PLCB1: variants seen among roughly 807,000 people sequenced by gnomAD.
The protein encoded by PLCB1 is 1-phosphatidylinositol 4,5-bisphosphate phosphodiesterase beta-1.
PLCB1 carries 46 observed loss-of-function variants against 161.8 expected under a neutral mutation model. That is an observed-to-expected ratio of 0.28 (90% CI 0.22 to 0.36). The LOEUF (loss-of-function observed/expected upper bound fraction) is 0.36, where lower values mean the gene tolerates loss of function less well. PLCB1 is among the 10% of genes least tolerant of loss of function. PLCB1 has a pLI of 1.00. For missense variants in PLCB1, 1,016 were observed against 1,472.5 expected (o/e 0.69, Z 5.07); for synonymous variants, 517 against 503.7 (o/e 1.03, Z -0.35).
intron 9 of PLCB1, among the ~76,000 whole-genome samples, chr20:8,662,146 A>ATTCT (rs374223118): frequency 3.4e-5 from 1 of 29,324 alleles, no homozygotes; most frequent in Non-Finnish European, 6.7e-5. Context: ...TTCTATATTA[A>ATTCT]ATATAATTAT....
At chr20:8,356,163 A>G (rs1986355662) in intron 2 of PLCB1, among the ~76,000 whole-genome samples, 1 of 152,202 alleles carries the variant, frequency 6.6e-6, no homozygotes, top group East Asian at 1.9e-4. Flanking sequence ...AAATAGGATA[A>G]CATGCTTCTT....
At chr20:8,852,736 A>G (rs1475826528) in intron 31 of PLCB1, among the ~76,000 whole-genome samples, 1 of 151,970 alleles carries the variant, frequency 6.6e-6, no homozygotes, top group Admixed American at 6.5e-5. Flanking sequence ...AATTTTCTCA[A>G]CTCTTTCCCG....
intron 3 of PLCB1, among the ~76,000 whole-genome samples, chr20:8,545,129 A>G (rs1985487743): frequency 6.6e-6 from 1 of 152,234 alleles, no homozygotes; most frequent in African/African-American, 2.4e-5. Flanking sequence ...ATGGAGTTAG[A>G]TAGGGGGAAA....
intron 3 of PLCB1, among the ~76,000 whole-genome samples, chr20:8,489,124 G>A (rs561216647): frequency 6.6e-6 from 1 of 152,086 alleles, no homozygotes; most frequent in African/African-American, 2.4e-5. Flanking sequence ...CTAGGAGCTG[G>A]GAACCCAGAG....
chr20:8,483,263 G>T (rs1982583233), intron 3 of PLCB1, among the ~76,000 whole-genome samples: 1 of 152,176 alleles, frequency 6.6e-6, no homozygotes, highest in African/African-American at 2.4e-5. Flanking sequence ...CTCTAGAGAA[G>T]ACCCTTCCTA....
At chr20:8,848,000 G>A (rs990115037) in intron 31 of PLCB1, among the ~76,000 whole-genome samples, 3 of 152,176 alleles carry the variant, frequency 2.0e-5, no homozygotes, top group African/African-American at 7.2e-5. Context: ...CAGAGGGGAG[G>A]AACGCCATGT....
chr20:8,442,986 G>GTTTTTTTTTTTTTTTTTTGT (rs962104017), intron 3 of PLCB1, among the ~76,000 whole-genome samples: 1 of 137,936 alleles, frequency 7.2e-6, no homozygotes, highest in Non-Finnish European at 1.6e-5. Context: ...TTTTTTTTTT[G>GTTTTTTTTTTTTTTTTTTGT]TTTTTTTTTT....
At chr20:8,354,154 T>G (rs1986284631) in intron 2 of PLCB1, among the ~76,000 whole-genome samples, 1 of 152,074 alleles carries the variant, frequency 6.6e-6, no homozygotes, top group Non-Finnish European at 1.5e-5. Context: ...TTCCTGAGAT[T>G]TATGGTGGTG....
At chr20:8,386,507 G>A (rs540006289) in intron 3 of PLCB1, among the ~76,000 whole-genome samples, 1 of 152,286 alleles carries the variant, frequency 6.6e-6, no homozygotes, top group Non-Finnish European at 1.5e-5. Flanking sequence ...CAGATATGCT[G>A]TTATCAGATT....
At chr20:8,702,985 A>T (rs1420716070) in intron 11 of PLCB1, among the ~76,000 whole-genome samples, 2 of 152,146 alleles carry the variant, frequency 1.3e-5, no homozygotes, top group African/African-American at 4.8e-5. Context: ...AGCTAAAGTT[A>T]TGGTAGAGAT....
intron 2 of PLCB1, among the ~76,000 whole-genome samples, chr20:8,301,138 T>C (rs2123320044): frequency 6.6e-6 from 1 of 152,226 alleles, no homozygotes; most frequent in South Asian, 2.1e-4. Flanking sequence ...CTGGAGAAAC[T>C]CTACTGTATC....
intron 3 of PLCB1, among the ~76,000 whole-genome samples, chr20:8,626,177 C>CAAAAAAAAAAAAAAAAAAAAAA (rs71184104): frequency 8.5e-6 from 1 of 117,488 alleles, no homozygotes; most frequent in Non-Finnish European, 1.8e-5. Flanking sequence ...GACTCCATCT[C>CAAAAAAAAAAAAAAAAAAAAAA]AAAAAAAAAA....
intron 3 of PLCB1, among the ~76,000 whole-genome samples, chr20:8,574,981 T>C (rs759332643): frequency 4.6e-5 from 7 of 152,124 alleles, no homozygotes; most frequent in African/African-American, 9.7e-5. Flanking sequence ...GAAGGGACAA[T>C]AGTCGTTAAA....
In PLCB1 at chr20:8,638,774, A is replaced by G. The variant is rs185289488; in HGVS notation, c.385-7328A>G. ...CACTGGTCTAACATGAATTATCCCA[A>G]TTCTCTCAAAAGCCCTATGAAATAA... On this transcript the variant is annotated intron_variant, in intron 4 of 31. Coordinates refer to ENST00000338037, the MANE Select transcript of PLCB1 (RefSeq NM_015192.4). Among the ~76,000 whole-genome samples, 5 of 152,252 alleles carry G rather than the reference A, an allele frequency of 3.3e-5. No individual in the cohort carries two copies. In the East Asian group the frequency reaches 9.7e-4, roughly 29 times the overall value.
intron 2 of PLCB1, among the ~76,000 whole-genome samples, chr20:8,283,398 C>T (rs1419316744): frequency 1.4e-4 from 21 of 151,692 alleles, no homozygotes; most frequent in Admixed American, 1.4e-3. Context: ...TGGCATAGTT[C>T]ATTTCATTAC....
intron 2 of PLCB1, among the ~76,000 whole-genome samples, chr20:8,266,922 CCA>C (rs1981985571): frequency 6.6e-6 from 1 of 151,986 alleles, no homozygotes; most frequent in African/African-American, 2.4e-5. Flanking sequence ...ACCCATAATT[CCA>C]GCTACTTGGG....
At chr20:8,234,626 A>G (rs1415390924) in intron 2 of PLCB1, among the ~76,000 whole-genome samples, 1 of 152,172 alleles carries the variant, frequency 6.6e-6, no homozygotes, top group East Asian at 1.9e-4. Context: ...GTTCCAAGAC[A>G]TACGCATACT....
At chr20:8,651,028 A>G (rs920451625) in intron 7 of PLCB1, among the ~76,000 whole-genome samples, 1 of 152,194 alleles carries the variant, frequency 6.6e-6, no homozygotes, top group Non-Finnish European at 1.5e-5. Flanking sequence ...ATTCATTTCT[A>G]CATGACTGGC....
chr20:8,430,162 G>A (rs1979972381), intron 3 of PLCB1, among the ~76,000 whole-genome samples: 1 of 151,934 alleles, frequency 6.6e-6, no homozygotes, highest in Admixed American at 6.6e-5. Context: ...TAGAAGATAA[G>A]CCCATGAAGG....
Sources: gnomAD v4.1 joint callset for allele counts (sites outside exome capture counted in the v4.1 genomes callset) on GRCh38, gnomAD v4.1.1 for gene constraint, MANE v1.5 for transcripts, NCBI Gene and HGNC (gene_info 2026-07-23, HGNC 2026-07-21) for gene names.